Variants in PSMC1 observed in about 807,000 individuals in gnomAD.
PSMC1 encodes the protein 26S proteasome regulatory subunit 4.
Under a neutral mutation model 49.8 loss-of-function variants are expected in PSMC1, and 5 were observed. The ratio of observed to expected loss-of-function variants is 0.10; its 90% CI spans 0.05 to 0.21. The LOEUF is 0.21. Among genes scored for constraint, PSMC1 ranks in the 10% least tolerant of loss-of-function variants. The pLI, the probability that PSMC1 is intolerant of heterozygous loss-of-function variation, is 1.00. For synonymous variants in PSMC1, 155 were observed against 192.1 expected, an observed-to-expected ratio of 0.81 and a Z score of 1.60; for missense variants, 181 against 535.7, an observed-to-expected ratio of 0.34 and a Z score of 6.54.
At chr14:90,270,047 T>C in intron 9 of PSMC1, 151 bp from the exon 10 acceptor site, 1 of 763,998 alleles carries the variant, frequency 1.3e-6, no homozygotes, top group Non-Finnish European at 2.1e-6. Context: ...ACTACAAAAA[T>C]ATATGTTTAC....
intron 7 of PSMC1, among the ~76,000 whole-genome samples, chr14:90,265,631 G>A (rs1223353586): frequency 6.7e-6 from 1 of 149,536 alleles, no homozygotes; most frequent in Admixed American, 6.7e-5. Context: ...GGTGCTTGTA[G>A]TGAGCGGAGA....
Position 90,263,537 on chromosome 14 carries a change from A to G in PSMC1, c.279+95A>G, listed in dbSNP as rs543431665. 8.9e-6 allele frequency: 13 copies of G among 1,461,650 alleles called. No individual in the cohort carries two copies. In the South Asian group the frequency reaches 1.7e-4, roughly 19 times the overall value. The allele number at this position is 1,461,650 out of a possible 1,614,324, so 90.5% of individuals were successfully genotyped here. On this transcript the variant is annotated intron_variant, in intron 4 of 10. Coordinates refer to ENST00000261303, the MANE Select transcript of PSMC1 (RefSeq NM_002802.3). ...GAAATTCAAGTAGCTGAACCTGTCC[A>G]GGCTTTCATGAGTATTATTAGCTGC...
At chr14:90,257,594 C>CT (rs1410508558) in intron 1 of PSMC1, among the ~76,000 whole-genome samples, 2 of 152,126 alleles carry the variant, frequency 1.3e-5, no homozygotes, top group East Asian at 3.9e-4. Flanking sequence ...TCATAGAGGT[C>CT]TTTTTTATTT....
chr14:90,271,624 G>A (rs896446555), intron 10 of PSMC1: 4 of 151,940 alleles, frequency 2.6e-5, no homozygotes, highest in African/African-American at 9.7e-5. Context: ...TAAGTTTCAG[G>A]GCATAATTTT....
intron 3 of PSMC1, among the ~76,000 whole-genome samples, chr14:90,262,091 T>C (rs1211500571): frequency 7.1e-6 from 1 of 141,822 alleles, no homozygotes; most frequent in Non-Finnish European, 1.5e-5. Flanking sequence ...TAGGTGGGAA[T>C]TGAACAATGA....
In PSMC1 at chr14:90,274,786, C is replaced by CT. The variant is rs1472241034; in HGVS notation, c.*2380dup. ...ACAGTATAGCCCTTTAAATAGGGAA[C>CT]TACACACACACACACACACACACAC... On this transcript the variant is annotated 3_prime_UTR_variant, in exon 11 of 11. Transcript: ENST00000261303. 1.2e-5 allele frequency: 1 copy of CT among 81,560 alleles called. No homozygotes were observed. The highest frequency in any genetic ancestry group is 4.9e-5 in the African/African-American group (1 of 20,206). The allele number at this position is 81,560 out of a possible 1,614,324, so 5.1% of individuals were successfully genotyped here. A position where few individuals can be genotyped will look rare whatever the true frequency, so the allele number is the denominator to read the frequency against.
chr14:90,261,649 A>G (rs1309866849), intron 3 of PSMC1, among the ~76,000 whole-genome samples: 1 of 152,158 alleles, frequency 6.6e-6, no homozygotes, highest in Non-Finnish European at 1.5e-5. Context: ...AAGTCAGGAA[A>G]CAACAGGTGC....
chr14:90,265,943 A>G (rs1398068248), intron 7 of PSMC1, among the ~76,000 whole-genome samples: 2 of 152,100 alleles, frequency 1.3e-5, no homozygotes, highest in Non-Finnish European at 2.9e-5. Context: ...CCTAGGAGCC[A>G]TAGTGGAGAA....
chr14:90,271,874 T>C (rs1891675237), intron 10 of PSMC1: 1 of 152,204 alleles, frequency 6.6e-6, no homozygotes, highest in African/African-American at 2.4e-5. Context: ...AGGTGTCTCA[T>C]GCTTTATTTC....
rs1486343486 is a variant in PSMC1, at chr14:90,274,498, A to C, written c.*2091A>C. 2.0e-5 allele frequency: 3 copies of C among 152,356 alleles called. No homozygotes were observed. Among genetic ancestry groups the C allele is most frequent in the Non-Finnish European group, 2.9e-5 (2 of 68,160 alleles). 9.4% of individuals were successfully genotyped at this position (152,356 alleles called of 1,614,324 possible). On this transcript the variant is annotated 3_prime_UTR_variant, in exon 11 of 11. Transcript: ENST00000261303. Reference sequence around the variant, plus strand: ...ACTGGGAGCACCTGGGAACAGTGACACCCCAACTGCAGTGAGCACCCCTAG... The same window carrying C: ...ACTGGGAGCACCTGGGAACAGTGACCCCCCAACTGCAGTGAGCACCCCTAG...
intron 9 of PSMC1, chr14:90,269,798 C>A: frequency 2.3e-6 from 1 of 426,290 alleles, no homozygotes; most frequent in Non-Finnish European, 4.1e-6. Flanking sequence ...CCCTTTTTAG[C>A]CTCAAGAACT....
intron 6 of PSMC1, among the ~76,000 whole-genome samples, 198 bp from the exon 7 acceptor site, chr14:90,264,872 C>T (rs564787832): frequency 3.3e-5 from 5 of 152,238 alleles, no homozygotes; most frequent in East Asian, 1.9e-4. Context: ...GGAGATGGAA[C>T]GGGTGCGGGG....
chr14:90,272,388 C>T lies in PSMC1; in HGVS notation c.1304C>T (p.Pro435Leu). Reference protein sequence around the residue: ...NVLYKKQEGTPEGLYL With the variant: ...NVLYKKQEGTLEGLYL ...CTTTATAAGAAACAGGAAGGCACCC[C>T]TGAGGGGCTGTATCTCTAATGAACC... Residue 435 changes from proline to leucine, a missense_variant, in exon 11 of 11, where the codon CCT becomes CTT. Around this residue, in one of 3 missense-constraint regions of PSMC1, gnomAD observed 60 missense variants for 155.5 expected, o/e 0.39. Coordinates refer to ENST00000261303, the MANE Select transcript of PSMC1 (RefSeq NM_002802.3). This position sits in a 1 kb window ranked among gnomAD's most constrained non-coding sequence, Gnocchi z 4.5. 2 of 1,565,352 alleles carry T rather than the reference C, an allele frequency of 1.3e-6. No homozygotes were observed. The highest frequency in any genetic ancestry group is 8.7e-7 in the Non-Finnish European group (1 of 1,153,494).
intron 1 of PSMC1, 48 bp from the exon 2 acceptor site, chr14:90,259,112 A>T (rs1305577588): frequency 4.4e-6 from 7 of 1,578,264 alleles, no homozygotes; most frequent in Non-Finnish European, 5.2e-6. Flanking sequence ...ATTCTTTTGA[A>T]GTGATCATAT....
Position 90,263,557 on chromosome 14 carries a change from A to T in PSMC1, c.280-105A>T, listed in dbSNP as rs74080702. The T allele has an allele frequency of 2.7e-3, 3,966 of 1,468,606 alleles. 95 individuals carry two copies. In the African/African-American group the frequency reaches 0.05, roughly 18 times the overall value. The allele number at this position is 1,468,606 out of a possible 1,614,324, so 91.0% of individuals were successfully genotyped here. The stretch of plus-strand genomic sequence containing the variant: ...TGTCCAGGCTTTCATGAGTATTATT[A>T]GCTGCCTTTTACAAGCATCGGCTGC... On this transcript the variant is annotated intron_variant, in intron 4 of 10. Coordinates refer to ENST00000261303, the MANE Select transcript of PSMC1 (RefSeq NM_002802.3).
chr14:90,264,279 A>G, intron 6 of PSMC1, 110 bp downstream of exon 6: 3 of 1,455,660 alleles, frequency 2.1e-6, no homozygotes. Context: ...TCAAACCAGT[A>G]GCTGAGTCAG....
intron 7 of PSMC1, chr14:90,267,806 T>C (rs898022708): frequency 1.2e-5 from 2 of 160,140 alleles, no homozygotes; most frequent in Non-Finnish European, 2.7e-5. Flanking sequence ...CTGGGTTGGA[T>C]GGGTCAGGTT....
Position 90,268,344 on chromosome 14 carries a change from T to C in PSMC1, c.812T>C (p.Phe271Ser). 1 of 1,613,900 alleles carries C rather than the reference T, an allele frequency of 6.2e-7. No individual in the cohort carries two copies. Among genetic ancestry groups the C allele is most frequent in the South Asian group, 1.1e-5 (1 of 91,066 alleles). The change falls in exon 8 of 11, where the codon TTC becomes TCC. Residue 271 changes from phenylalanine to serine, a missense_variant. Physicochemically the swap from Phe to Ser is radical, Grantham distance 155 (BLOSUM62 -2). Coordinates refer to ENST00000261303, the MANE Select transcript of PSMC1 (RefSeq NM_002802.3). ...GGGCCCAAACTCGTACGGGAATTGTTCCGAGTTGCTGAAGAACATGCACCG... is the reference window on the plus strand; with the variant it reads ...GGGCCCAAACTCGTACGGGAATTGTCCCGAGTTGCTGAAGAACATGCACCG... ...GDGPKLVRELFRVAEEHAPSI... is the reference protein window; with the variant it reads ...GDGPKLVRELSRVAEEHAPSI...
At chr14:90,262,451 GACAGT>G (rs1891418703) in intron 3 of PSMC1, among the ~76,000 whole-genome samples, 1 of 152,088 alleles carries the variant, frequency 6.6e-6, no homozygotes, top group Non-Finnish European at 1.5e-5. Flanking sequence ...TAGGGAAGAA[GACAGT>G]TTTTGAAGTA....
Sources: allele counts gnomAD v4.1 joint callset (sites outside exome capture counted in the v4.1 genomes callset), GRCh38; gene constraint gnomAD v4.1.1; regional missense constraint gnomAD v4.1.1; non-coding constraint Gnocchi (gnomAD v3.1); transcripts MANE v1.5; gene names NCBI Gene and HGNC (gene_info 2026-07-23, HGNC 2026-07-21).